KIF6: variants seen among roughly 807,000 people sequenced by gnomAD.
KIF6 encodes kinesin family member 6, also known as kinesin-like protein KIF6.
KIF6 carries 106 observed loss-of-function variants against 112.7 expected under a neutral mutation model. That is an observed-to-expected ratio of 0.94 (90% CI 0.80 to 1.11). The LOEUF is 1.11. KIF6 is among the 50% of genes least tolerant of loss of function. The pLI, the probability that KIF6 is intolerant of heterozygous loss-of-function variation, is 0.00. For synonymous variants in KIF6, 339 were observed against 339.9 expected, an observed-to-expected ratio of 1.00 and a Z score of 0.03; for missense variants, 929 against 964.0, an observed-to-expected ratio of 0.96 and a Z score of 0.48.
chr6:39,433,488 T>A (rs955324900), intron 13 of KIF6, among the ~76,000 whole-genome samples: 4 of 152,250 alleles, frequency 2.6e-5, no homozygotes, highest in Admixed American at 2.6e-4. Context: ...TTTAATACTC[T>A]TGGTGGCTTA....
chr6:39,336,595 C>T (rs1172990667), intron 22 of KIF6, 47 bp from the exon 23 acceptor site: 1 of 1,596,206 alleles, frequency 6.3e-7, no homozygotes, highest in Non-Finnish European at 8.6e-7. Flanking sequence ...CATGCAGACA[C>T]TGACTTTTCC....
Position 39,596,078 on chromosome 6 carries a change from G to C in KIF6, c.822C>G (p.Asn274Lys). The C allele has an allele frequency of 6.2e-7, 1 of 1,613,878 alleles. No homozygotes were observed. The highest frequency in any genetic ancestry group is 8.5e-7 in the Non-Finnish European group (1 of 1,179,828). The change falls in exon 7 of 23, where the codon AAC becomes AAG. Residue 274 changes from asparagine to lysine, a missense_variant. This residue lies in a region of KIF6 where 688 missense variants were observed against 662.7 expected (regional missense o/e 1.04). Transcript: ENST00000287152. ...CCTGTTCTAAGTAATGTAGTGACAA[G>C]TTGATATACTTGGCCTCTGTTAGAA... ...GHLLTEAKYI[N>K]LSLHYLEQVI...
intron 9 of KIF6, among the ~76,000 whole-genome samples, chr6:39,582,146 T>C (rs564436549): frequency 6.6e-6 from 1 of 152,368 alleles, no homozygotes; most frequent in African/African-American, 2.4e-5. Flanking sequence ...TTTCTATTTT[T>C]ACTAAGGCTT....
At chr6:39,641,169 T>C (rs1784878122) in intron 3 of KIF6, among the ~76,000 whole-genome samples, 1 of 152,176 alleles carries the variant, frequency 6.6e-6, no homozygotes, top group African/African-American at 2.4e-5. Context: ...ATGATATTTC[T>C]TGGCCATAAA....
chr6:39,603,073 T>C (rs1782663606), intron 6 of KIF6, among the ~76,000 whole-genome samples: 1 of 152,168 alleles, frequency 6.6e-6, no homozygotes, highest in South Asian at 2.1e-4. Flanking sequence ...ATAGTGTTAT[T>C]GTAATGAACT....
chr6:39,382,454 A>G (rs1250571520), intron 16 of KIF6, among the ~76,000 whole-genome samples: 1 of 152,076 alleles, frequency 6.6e-6, no homozygotes, highest in Non-Finnish European at 1.5e-5. Context: ...TTCATTTGGG[A>G]TAATGGCCTG....
intron 10 of KIF6, among the ~76,000 whole-genome samples, chr6:39,546,410 T>G (rs1381497552): frequency 6.6e-6 from 1 of 152,182 alleles, no homozygotes; most frequent in Non-Finnish European, 1.5e-5. Flanking sequence ...TCTCTTTATC[T>G]CCTCTCTATA....
At chr6:39,451,886 C>CT (rs1772722554) in intron 13 of KIF6, among the ~76,000 whole-genome samples, 1 of 152,114 alleles carries the variant, frequency 6.6e-6, no homozygotes, top group Non-Finnish European at 1.5e-5. Context: ...CCAATCTGTC[C>CT]AGAAGAGCTT....
chr6:39,649,708 G>GTAA (rs1785359534), intron 3 of KIF6, among the ~76,000 whole-genome samples: 1 of 146,180 alleles, frequency 6.8e-6, no homozygotes, highest in South Asian at 2.2e-4. Context: ...AATGGTAAGA[G>GTAA]TAACACTCTG....
At chr6:39,497,702 C>T (rs752452445) in intron 13 of KIF6, among the ~76,000 whole-genome samples, 20 of 152,184 alleles carry the variant, frequency 1.3e-4, no homozygotes, top group Admixed American at 7.9e-4. Flanking sequence ...CTTTTGACAA[C>T]TCTTCACTCT....
At chr6:39,414,856 T>C (rs745488006) in intron 15 of KIF6, among the ~76,000 whole-genome samples, 1 of 152,006 alleles carries the variant, frequency 6.6e-6, no homozygotes, top group African/African-American at 2.4e-5. Context: ...AATTCTAGTC[T>C]GGCCACTTAC....
At chr6:39,614,320 A>G (rs1177595855) in intron 5 of KIF6, among the ~76,000 whole-genome samples, 3 of 152,232 alleles carry the variant, frequency 2.0e-5, no homozygotes, top group Non-Finnish European at 2.9e-5. Flanking sequence ...TCACTCGTTT[A>G]AAACATTTGG....
chr6:39,553,616 C>G (rs973323040), intron 10 of KIF6, among the ~76,000 whole-genome samples: 127 of 152,078 alleles, frequency 8.4e-4, no homozygotes, highest in Non-Finnish European at 1.7e-3. Flanking sequence ...TTACAAGGTC[C>G]TTTAAATGCA....
chr6:39,655,149 TTTC>T (rs1452276551), intron 3 of KIF6, among the ~76,000 whole-genome samples: 1 of 152,208 alleles, frequency 6.6e-6, no homozygotes, highest in Non-Finnish European at 1.5e-5. Context: ...GAAAGAGATA[TTTC>T]TTATTTTAAA....
chr6:39,354,113 G>T, intron 19 of KIF6: 1 of 341,004 alleles, frequency 2.9e-6, no homozygotes, highest in South Asian at 2.5e-5. Flanking sequence ...TAGCCCTGAA[G>T]GCCATCTGGG....
At chr6:39,714,900 G>A in intron 2 of KIF6, 134 bp from the exon 3 acceptor site, 1 of 645,182 alleles carries the variant, frequency 1.5e-6, no homozygotes, top group East Asian at 2.8e-5. Flanking sequence ...TTAGCACAAT[G>A]TTTGCCCTGT....
chr6:39,484,465 T>C (rs529095156), intron 13 of KIF6, among the ~76,000 whole-genome samples: 6 of 152,060 alleles, frequency 3.9e-5, no homozygotes, highest in Admixed American at 3.9e-4. Flanking sequence ...TTAGGACTGA[T>C]AAGGAAGCCA....
At chr6:39,480,057 G>A (rs1774698742) in intron 13 of KIF6, among the ~76,000 whole-genome samples, 1 of 152,114 alleles carries the variant, frequency 6.6e-6, no homozygotes, top group Non-Finnish European at 1.5e-5. Flanking sequence ...TCTCTGGTCT[G>A]ATTGCTCTGG....
chr6:39,358,353 A>G (rs1386521409), intron 18 of KIF6, among the ~76,000 whole-genome samples: 2 of 152,258 alleles, frequency 1.3e-5, no homozygotes, highest in African/African-American at 4.8e-5. Flanking sequence ...TGCAGGCTAT[A>G]GAACTGCTCA....
Sources: gnomAD v4.1 joint callset for allele counts (sites outside exome capture counted in the v4.1 genomes callset) on GRCh38, gnomAD v4.1.1 for gene constraint, gnomAD v4.1.1 regional missense constraint, MANE v1.5 for transcripts, NCBI Gene and HGNC (gene_info 2026-07-23, HGNC 2026-07-21) for gene names.